The following RELL1 variants were observed in gnomAD, a reference collection of about 807,000 sequenced individuals.
The protein encoded by RELL1 is RELT-like protein 1.
RELL1 carries 10 observed loss-of-function variants against 23.0 expected under a neutral mutation model. The ratio of observed to expected loss-of-function variants is 0.43; its 90% CI spans 0.27 to 0.74. The LOEUF is 0.74. RELL1 is among the 30% of genes least tolerant of loss of function. The probability of loss-of-function intolerance (pLI) is 0.19; values close to 1 mark genes in which losing one functional copy is unlikely to be tolerated. For missense variants in RELL1, 315 were observed against 364.4 expected, an observed-to-expected ratio of 0.86 and a Z score of 1.10; for synonymous variants, 146 against 146.8, an observed-to-expected ratio of 0.99 and a Z score of 0.04.
chr4:37,642,190 CT>C (rs1372514376), intron 3 of RELL1, among the ~76,000 whole-genome samples: 1 of 152,204 alleles, frequency 6.6e-6, no homozygotes, highest in East Asian at 1.9e-4. Flanking sequence ...ATAAAGGAAT[CT>C]TTTCTGGCAA....
At position 37,603,808 on chromosome 4, in the gene RELL1, T is replaced by TTG. The variant is rs1338676393; in HGVS notation, c.*4-12592_*4-12591insCA. ...AAAACAGGCAGTGCTGGTTGCTTTT[T>TTG]TTTGTTGTTGTTGTTTGTTTGTTTG... On this transcript the variant is annotated intron_variant, in intron 6 of 6. Coordinates refer to the RELL1 transcript ENST00000314117. Among the ~76,000 whole-genome samples, 36 of 152,190 alleles carry TTG rather than the reference T, an allele frequency of 2.4e-4. 2 individuals carry two copies. Among genetic ancestry groups the TTG allele is most frequent in the African/African-American group, 8.7e-4 (36 of 41,492 alleles).
In RELL1 at chr4:37,649,460, C is replaced by T. The variant is rs1215139854; in HGVS notation, c.129G>A (p.Thr43=). ...SSRTLHSRTE[T]TPSPSNDTGN... ...CAGTATCGTTGCTGGGCGACGGGGT[C>T]GTCTCTGTTCTGGAGTGCAATGTGC... The change falls in exon 2 of 7, where the codon ACG becomes ACA. Residue 43 remains threonine (T), a synonymous_variant. Transcript: ENST00000454158. 21 of 1,613,892 alleles carry T rather than the reference C, an allele frequency of 1.3e-5. No homozygotes were observed. Among genetic ancestry groups the T allele is most frequent in the East Asian group, 8.9e-5 (4 of 44,892 alleles).
rs372166823 is a variant in RELL1 at position 37,686,343 on chromosome 4, C to T, written c.-56G>A. 6.5e-5 allele frequency: 88 copies of T among 1,345,120 alleles called. No homozygotes were observed. The highest frequency in any genetic ancestry group is 7.7e-5 in the African/African-American group (5 of 65,170). 83.3% of individuals were successfully genotyped at this position (1,345,120 alleles called of 1,614,324 possible). ...GCGCCGCGTCCCGCGCTCGGGAAGG[C>T]AGAGCCGCTCCGGAGCCGGCGGGCT... On this transcript the variant is annotated 5_prime_UTR_variant, in exon 1 of 7. Coordinates refer to ENST00000454158, the MANE Select transcript of RELL1 (RefSeq NM_001085400.2).
intron 1 of RELL1, among the ~76,000 whole-genome samples, chr4:37,675,413 AG>A (rs1469423448): frequency 6.6e-6 from 1 of 152,202 alleles, no homozygotes; most frequent in Admixed American, 6.5e-5. Flanking sequence ...ATTCCCTGTA[AG>A]TCTCAGTTTC....
intron 6 of RELL1, among the ~76,000 whole-genome samples, chr4:37,627,145 C>T (rs1719981018): frequency 6.6e-6 from 1 of 152,188 alleles, no homozygotes; most frequent in South Asian, 2.1e-4. Flanking sequence ...ATATATGCAA[C>T]TTTCATGTGT....
intron 3 of RELL1, among the ~76,000 whole-genome samples, chr4:37,646,174 G>T (rs2109279073): frequency 6.6e-6 from 1 of 152,312 alleles, no homozygotes; most frequent in East Asian, 1.9e-4. Context: ...GAGTAAGTGG[G>T]CAAGGAATCC....
intron 1 of RELL1, among the ~76,000 whole-genome samples, chr4:37,669,085 C>G: frequency 7.5e-6 from 1 of 134,170 alleles, no homozygotes; most frequent in African/African-American, 3.2e-5. Context: ...TGGCCAGCCG[C>G]CCCGTCTGGG....
intron 6 of RELL1, among the ~76,000 whole-genome samples, chr4:37,601,625 C>G (rs140957413): frequency 6.6e-6 from 1 of 152,330 alleles, no homozygotes; most frequent in East Asian, 1.9e-4. Context: ...TTTGCAAAAG[C>G]ATTTCACAAC....
chr4:37,592,352 T>G (rs1718657449), intron 6 of RELL1, among the ~76,000 whole-genome samples: 2 of 80,218 alleles, frequency 2.5e-5, no homozygotes, highest in Admixed American at 1.4e-4. Flanking sequence ...CCCATCTCTA[T>G]GAAAAAAAAA....
At position 37,590,892 on chromosome 4, in the gene RELL1, C is replaced by T. The variant is rs139186850; in HGVS notation, c.*329G>A. 99 of 1,614,160 alleles carry T rather than the reference C, an allele frequency of 6.1e-5. 1 individual carries two copies. In the African/African-American group the frequency reaches 9.1e-4, roughly 15 times the overall value. Reference sequence around the variant, plus strand: ...ACAGGCAGGAGGATACCCATGGCTCCGATGGAGATGGGGATGGGGAGATTG... The same window carrying T: ...ACAGGCAGGAGGATACCCATGGCTCTGATGGAGATGGGGATGGGGAGATTG... On this transcript the variant is annotated 3_prime_UTR_variant, in exon 7 of 7. Coordinates refer to the RELL1 transcript ENST00000314117.
intron 6 of RELL1, among the ~76,000 whole-genome samples, chr4:37,624,813 C>G (rs555125316): frequency 2.3e-4 from 35 of 152,282 alleles, no homozygotes; most frequent in Non-Finnish European, 4.0e-4. Context: ...CTATCTATTT[C>G]TGAGATGTCC....
intron 6 of RELL1, among the ~76,000 whole-genome samples, chr4:37,596,734 ATATTTTTTTTTTT>A (rs1339131694): frequency 0.013 from 193 of 15,248 alleles, no homozygotes; most frequent in African/African-American, 0.029. Context: ...ATATATATAT[ATATTTTTTTTTTT>A]TTTTTTTTTT....
chr4:37,640,278 ACCT>A (rs1331249616), intron 3 of RELL1, among the ~76,000 whole-genome samples: 2 of 152,146 alleles, frequency 1.3e-5, no homozygotes, highest in Non-Finnish European at 2.9e-5. Context: ...TCTAAATAAG[ACCT>A]CCTGTCATTA....
At chr4:37,649,094 C>T (rs1720803172) in intron 2 of RELL1, among the ~76,000 whole-genome samples, 182 bp downstream of exon 2, 1 of 152,210 alleles carries the variant, frequency 6.6e-6, no homozygotes, top group Non-Finnish European at 1.5e-5. Flanking sequence ...GGCAGGTATT[C>T]AGTAATGAAA....
At chr4:37,604,796 CAG>C (rs1291096381) in intron 6 of RELL1, among the ~76,000 whole-genome samples, 73 of 100,884 alleles carry the variant, frequency 7.2e-4, no homozygotes, top group South Asian at 1.9e-3. Flanking sequence ...GACACACACA[CAG>C]ACACACACAC....
intron 1 of RELL1, among the ~76,000 whole-genome samples, chr4:37,662,166 C>T (rs1199975945): frequency 1.3e-5 from 2 of 152,182 alleles, no homozygotes; most frequent in Admixed American, 6.5e-5. Context: ...CCCAATAAAA[C>T]GTGCAGAAGT....
At chr4:37,606,775 C>G (rs1719234683), downstream of RELL1, among the ~76,000 whole-genome samples, 1 of 152,114 alleles carries the variant, frequency 6.6e-6, no homozygotes, top group Non-Finnish European at 1.5e-5. The surrounding 1 kb of genome is among the most constrained non-coding windows in gnomAD (Gnocchi z 4.1). Context: ...TATGGTAGCC[C>G]TAGAAAACTC....
At chr4:37,629,130 C>T (rs999824412) in intron 6 of RELL1, among the ~76,000 whole-genome samples, 4 of 152,194 alleles carry the variant, frequency 2.6e-5, no homozygotes, top group South Asian at 2.1e-4. Flanking sequence ...CAAGCCAGGT[C>T]TTCTGGTGCA....
At chr4:37,597,728 C>A (rs1718903595) in intron 6 of RELL1, among the ~76,000 whole-genome samples, 1 of 152,150 alleles carries the variant, frequency 6.6e-6, no homozygotes, top group South Asian at 2.1e-4. Context: ...GGGTGACAAA[C>A]CATCAAGGAC....
Sources: gnomAD v4.1 joint callset for allele counts (sites outside exome capture counted in the v4.1 genomes callset) on GRCh38, gnomAD v4.1.1 for gene constraint, Gnocchi (gnomAD v3.1) non-coding constraint, MANE v1.5 for transcripts, NCBI Gene and HGNC (gene_info 2026-07-23, HGNC 2026-07-21) for gene names.